The following FGF12 variants were observed in gnomAD, a reference collection of about 807,000 sequenced individuals.
The protein encoded by FGF12 is fibroblast growth factor 12B.
A neutral mutation model predicts 23.6 loss-of-function variants in FGF12; 14 were observed. That is an observed-to-expected ratio of 0.59 (90% CI 0.39 to 0.93). The LOEUF is 0.93. Ranked by LOEUF, FGF12 falls within the 40% of genes least tolerant of loss-of-function variation. FGF12 has a pLI of 0.00. For missense variants in FGF12, 175 were observed against 217.8 expected, an observed-to-expected ratio of 0.80 and a Z score of 1.24; for synonymous variants, 62 against 77.3, an observed-to-expected ratio of 0.80 and a Z score of 1.04.
rs1053764139 is a variant in FGF12 at position 192,139,493 on chromosome 3, G to T, written c.*4516C>A. The T allele has an allele frequency of 6.6e-6, 1 of 152,126 alleles. No homozygotes were observed. Among genetic ancestry groups the T allele is most frequent in the Non-Finnish European group, 1.5e-5 (1 of 68,002 alleles). The allele number at this position is 152,126 out of a possible 1,614,324, so 9.4% of individuals were successfully genotyped here. A position where few individuals can be genotyped will look rare whatever the true frequency, so the allele number is the denominator to read the frequency against. ...TCAGTGTCAATAATTTCTTAAGATT[G>T]TAACATTTAACCTTGTATTGGAGCT... On this transcript the variant is annotated 3_prime_UTR_variant, in exon 6 of 6. Coordinates refer to ENST00000445105, the MANE Select transcript of FGF12 (RefSeq NM_004113.6).
chr3:192,297,520 G>T (rs1381609703), intron 4 of FGF12, among the ~76,000 whole-genome samples: 3 of 152,180 alleles, frequency 2.0e-5, no homozygotes, highest in Non-Finnish European at 4.4e-5. Context: ...ATACGTCAAT[G>T]CAGGCTTTAG....
chr3:192,693,329 T>C (rs574108147), intron 2 of FGF12, among the ~76,000 whole-genome samples: 2 of 152,252 alleles, frequency 1.3e-5, no homozygotes, highest in Admixed American at 6.5e-5. Context: ...ATATTAATAA[T>C]GTTAAAATTT....
At position 192,150,275 on chromosome 3, in the gene FGF12, C is replaced by T. The variant is rs1012588697; in HGVS notation, c.428-6148G>A. Among the ~76,000 whole-genome samples, 77 of 87,218 alleles carry T rather than the reference C, an allele frequency of 8.8e-4. 3 individuals are homozygous for T. The highest frequency in any genetic ancestry group is 3.2e-3 in the African/African-American group (73 of 22,562). The allele number at this position is 87,218 out of a possible 152,430, so 57.2% of individuals were successfully genotyped here. Reference sequence around the variant, plus strand: ...TCCCATTTTGTAGGTTGCCTGTTCACTCTGATGGTAGTTTCTTTTGCTGTG... The same window carrying T: ...TCCCATTTTGTAGGTTGCCTGTTCATTCTGATGGTAGTTTCTTTTGCTGTG... On this transcript the variant is annotated intron_variant, in intron 5 of 5. Coordinates refer to ENST00000445105, the MANE Select transcript of FGF12 (RefSeq NM_004113.6).
At chr3:192,704,768 G>A (rs1718414839) in intron 2 of FGF12, among the ~76,000 whole-genome samples, 1 of 152,204 alleles carries the variant, frequency 6.6e-6, no homozygotes, top group African/African-American at 2.4e-5. Context: ...TTGAAAATCT[G>A]CTGTTTAGTG....
intron 4 of FGF12, among the ~76,000 whole-genome samples, chr3:192,333,068 AC>A (rs1434271550): frequency 6.6e-6 from 1 of 151,818 alleles, no homozygotes; most frequent in East Asian, 1.9e-4. Context: ...CAAGATTCCC[AC>A]CCCCTCGTAA....
chr3:192,398,235 C>G (rs1720607077), intron 2 of FGF12, among the ~76,000 whole-genome samples: 1 of 152,200 alleles, frequency 6.6e-6, no homozygotes, highest in South Asian at 2.1e-4. Flanking sequence ...ACATCCAAAA[C>G]AGCACACTAA....
intron 2 of FGF12, among the ~76,000 whole-genome samples, chr3:192,584,765 C>A (rs1159350181): frequency 6.6e-6 from 1 of 152,032 alleles, no homozygotes; most frequent in African/African-American, 2.4e-5. Flanking sequence ...CCTTTCTCTG[C>A]TCTCTCTGCT....
intron 2 of FGF12, among the ~76,000 whole-genome samples, chr3:192,690,098 A>G (rs577658946): frequency 6.6e-6 from 1 of 152,054 alleles, no homozygotes; most frequent in Non-Finnish European, 1.5e-5. Context: ...ATTCACAGAC[A>G]AATAAAAGCT....
chr3:192,660,569 C>T (rs1180922505), intron 2 of FGF12, among the ~76,000 whole-genome samples: 2 of 150,726 alleles, frequency 1.3e-5, no homozygotes, highest in South Asian at 2.1e-4. Flanking sequence ...TGAGTGGGCA[C>T]TAGTGAAGAT....
intron 2 of FGF12, among the ~76,000 whole-genome samples, chr3:192,405,466 TG>T: frequency 6.6e-6 from 1 of 151,302 alleles, no homozygotes; most frequent in Non-Finnish European, 1.5e-5. Context: ...GTCTGGTCAA[TG>T]GAACATGTGT....
chr3:192,199,806 T>C (rs1717265132), intron 4 of FGF12, among the ~76,000 whole-genome samples: 2 of 152,200 alleles, frequency 1.3e-5, no homozygotes, highest in Admixed American at 1.3e-4. Context: ...GATTGTATCA[T>C]ACGCCACTCT....
intron 2 of FGF12, among the ~76,000 whole-genome samples, chr3:192,711,443 G>T (rs1008099789): frequency 6.6e-6 from 1 of 151,602 alleles, no homozygotes; most frequent in Non-Finnish European, 1.5e-5. Flanking sequence ...CCGTCTGGGA[G>T]GTGTACCCAA....
chr3:192,307,802 CA>C (rs1007324871), intron 4 of FGF12, among the ~76,000 whole-genome samples: 1 of 152,100 alleles, frequency 6.6e-6, no homozygotes, highest in African/African-American at 2.4e-5. Context: ...TTTCATTTCC[CA>C]TTTTGGACTA....
At chr3:192,481,800 G>C (rs760128507) in intron 2 of FGF12, among the ~76,000 whole-genome samples, 1 of 152,152 alleles carries the variant, frequency 6.6e-6, no homozygotes, top group African/African-American at 2.4e-5. Context: ...TTATCCCCTG[G>C]TGTTTAAGCC....
At chr3:192,287,345 A>AAT (rs1280676075) in intron 4 of FGF12, among the ~76,000 whole-genome samples, 1 of 152,058 alleles carries the variant, frequency 6.6e-6, no homozygotes, top group East Asian at 1.9e-4. Context: ...TCAGGGAGGA[A>AAT]CCGTGTCTTG....
At chr3:192,535,613 G>A (rs1376044538) in intron 2 of FGF12, among the ~76,000 whole-genome samples, 1 of 152,190 alleles carries the variant, frequency 6.6e-6, no homozygotes, top group South Asian at 2.1e-4. Flanking sequence ...AAGGATAGCT[G>A]TACAATCTCT....
Position 192,191,418 on chromosome 3 carries a change from C to A in FGF12, c.229-20762G>T, listed in dbSNP as rs146531254. 1.4e-3 allele frequency among the ~76,000 whole-genome samples: 220 copies of A among 152,292 alleles called. 4 individuals carry two copies. In the East Asian group the frequency reaches 0.034, roughly 24 times the overall value. On this transcript the variant is annotated intron_variant, in intron 4 of 5. Coordinates refer to ENST00000445105, the MANE Select transcript of FGF12 (RefSeq NM_004113.6). ...GTCAGTGCAGGGTCATACATTGTAA[C>A]TAATGTGCCACTAATGCAGAAGATG...
At chr3:192,620,506 T>C (rs956702803) in intron 2 of FGF12, among the ~76,000 whole-genome samples, 2 of 152,088 alleles carry the variant, frequency 1.3e-5, no homozygotes, top group Admixed American at 6.6e-5. Flanking sequence ...GTAGGAAAAA[T>C]GCCACCCTGT....
chr3:192,479,974 T>A (rs1024320129), intron 2 of FGF12, among the ~76,000 whole-genome samples: 1 of 149,644 alleles, frequency 6.7e-6, no homozygotes. Flanking sequence ...AAAGACAAAA[T>A]TGGGATTGAG....
Sources: allele counts gnomAD v4.1 joint callset (sites outside exome capture counted in the v4.1 genomes callset), GRCh38; gene constraint gnomAD v4.1.1; transcripts MANE v1.5; gene names NCBI Gene and HGNC (gene_info 2026-07-23, HGNC 2026-07-21).